Variants in ENOSF1 observed in about 807,000 individuals in gnomAD.
The protein encoded by ENOSF1 is enolase superfamily member 1, also known as mitochondrial enolase superfamily member 1.
A neutral mutation model predicts 68.2 loss-of-function variants in ENOSF1; 73 were observed. The ratio of observed to expected loss-of-function variants is 1.07; its 90% CI spans 0.89 to 1.30. The LOEUF is 1.30. Ranked by LOEUF, ENOSF1 falls within the 50% of genes most tolerant of loss-of-function variation. ENOSF1 has a pLI of 0.00. For missense variants in ENOSF1, 589 were observed against 554.5 expected, an observed-to-expected ratio of 1.06 and a Z score of -0.62; for synonymous variants, 223 against 210.4, an observed-to-expected ratio of 1.06 and a Z score of -0.52.
At chr18:667,340 TGATGGA>T (rs1298897687), downstream of ENOSF1, among the ~76,000 whole-genome samples, 1 of 25,118 alleles carries the variant, frequency 4.0e-5, no homozygotes, top group Non-Finnish European at 6.9e-5. Flanking sequence ...ATGGAGATGG[TGATGGA>T]GATGGTGATG....
chr18:690,046 G>C (rs1221958571), intron 8 of ENOSF1, among the ~76,000 whole-genome samples: 2 of 152,082 alleles, frequency 1.3e-5, no homozygotes, highest in African/African-American at 2.4e-5. Flanking sequence ...TGGCTCACCT[G>C]GAGGGGACAT....
chr18:673,477 TAAA>T lies in ENOSF1; in HGVS notation c.*825_*827del, dbSNP rs1567999433. ...ATAGTTGTTTTATATGTTGCTATAATAAAGAAGTGTTCTGCATTCGTCCACGCT... is the reference window on the plus strand; with the variant it reads ...ATAGTTGTTTTATATGTTGCTATAATGAAGTGTTCTGCATTCGTCCACGCT... On this transcript the variant is annotated 3_prime_UTR_variant, in exon 16 of 16. Transcript: ENST00000647584. 2 of 211,636 alleles carry T rather than the reference TAAA, an allele frequency of 9.5e-6. No individual in the cohort carries two copies. The highest frequency in any genetic ancestry group is 1.9e-5 in the Non-Finnish European group (2 of 104,856). 13.1% of individuals were successfully genotyped at this position (211,636 alleles called of 1,614,324 possible). A position where few individuals can be genotyped will look rare whatever the true frequency, so the allele number is the denominator to read the frequency against.
chr18:703,963 G>A (rs2078649667), intron 2 of ENOSF1, among the ~76,000 whole-genome samples: 1 of 152,070 alleles, frequency 6.6e-6, no homozygotes, highest in Non-Finnish European at 1.5e-5. Context: ...TGATCCTTTC[G>A]ACATAGGACG....
chr18:707,347 A>C (rs1013504111), intron 1 of ENOSF1, among the ~76,000 whole-genome samples: 8 of 152,290 alleles, frequency 5.3e-5, no homozygotes, highest in Admixed American at 2.6e-4. Context: ...TAAGCCAAGG[A>C]GTTTTCACTC....
chr18:680,938 T>G (rs1008503773), intron 11 of ENOSF1, among the ~76,000 whole-genome samples: 1 of 151,628 alleles, frequency 6.6e-6, no homozygotes, highest in African/African-American at 2.4e-5. Flanking sequence ...CTCCTCCTCC[T>G]GGGTTCACGC....
chr18:670,045 ATTTTTTT>A (rs34118802), downstream of ENOSF1, among the ~76,000 whole-genome samples: 13 of 138,534 alleles, frequency 9.4e-5, no homozygotes, highest in South Asian at 6.9e-4. Context: ...ATAGAGACTT[ATTTTTTT>A]TTTTTTTTTG....
At chr18:689,920 G>GATGGCCA (rs2076981772) in intron 8 of ENOSF1, among the ~76,000 whole-genome samples, 2 of 152,148 alleles carry the variant, frequency 1.3e-5, no homozygotes. Context: ...AGGCTGAATT[G>GATGGCCA]ATGGCCAATG....
chr18:667,263 AGATGGT>A (rs144717320), downstream of ENOSF1, among the ~76,000 whole-genome samples: 3 of 11,740 alleles, frequency 2.6e-4, 1 homozygote, highest in Non-Finnish European at 4.1e-4. Context: ...ATGGTGATGG[AGATGGT>A]GATGGTGATG....
At chr18:669,364 G>T (rs1241310907), downstream of ENOSF1, 12 of 383,714 alleles carry the variant, frequency 3.1e-5, no homozygotes, top group African/African-American at 5.3e-5. Context: ...TGGGCCCAGA[G>T]GATTTTTTTT....
At chr18:694,025 C>G (rs2077470824) in intron 4 of ENOSF1, 117 bp from the exon 5 acceptor site, 11 of 1,189,954 alleles carry the variant, frequency 9.2e-6, no homozygotes, top group Non-Finnish European at 1.3e-5. Context: ...CCCCACACCC[C>G]CCTCTACTGC....
chr18:710,387 G>A (rs1295598593), intron 1 of ENOSF1, among the ~76,000 whole-genome samples: 3 of 152,098 alleles, frequency 2.0e-5, no homozygotes, highest in Non-Finnish European at 4.4e-5. Context: ...TGGGATTATA[G>A]GCTTGAACCA....
At chr18:685,169 T>C (rs1685976101) in intron 10 of ENOSF1, among the ~76,000 whole-genome samples, 1 of 152,048 alleles carries the variant, frequency 6.6e-6, no homozygotes, top group South Asian at 2.1e-4. Context: ...CTAACACTTT[T>C]TTTTCTTGTA....
chr18:705,489 C>T (rs116064405), intron 2 of ENOSF1, among the ~76,000 whole-genome samples: 4,233 of 152,180 alleles, frequency 0.028, 200 homozygotes, highest in African/African-American at 0.095. Context: ...AAAAATGAGA[C>T]GGCTCAAGAT....
chr18:681,860 C>T (rs112091472), intron 11 of ENOSF1, among the ~76,000 whole-genome samples: 8 of 152,278 alleles, frequency 5.3e-5, no homozygotes, highest in South Asian at 2.1e-4. Context: ...TTTCTGAAAC[C>T]CAGGCTTTGG....
chr18:691,297 G>GA, intron 5 of ENOSF1, 21 bp from the exon 6 acceptor site: 1 of 1,589,646 alleles, frequency 6.3e-7, no homozygotes, highest in East Asian at 2.2e-5. Flanking sequence ...GACAGGAGGG[G>GA]AAGAGGCCTG....
Position 673,026 on chromosome 18 carries a change from T to G in ENOSF1, c.*1279A>C. ...GCTTTCAAAGGAGCTCGAAGGATAT[T>G]GTCAGTCTTTAGGGGTTGGGCTGGA... On this transcript the variant is annotated 3_prime_UTR_variant, in exon 16 of 16. Transcript: ENST00000647584. 1 of 1,520,368 alleles carries G rather than the reference T, an allele frequency of 6.6e-7. No individual in the cohort carries two copies. Among genetic ancestry groups the G allele is most frequent in the South Asian group, 1.3e-5 (1 of 76,718 alleles). 94.2% of individuals were successfully genotyped at this position (1,520,368 alleles called of 1,614,324 possible). A position where few individuals can be genotyped will look rare whatever the true frequency, so the allele number is the denominator to read the frequency against.
At chr18:696,129 C>T (rs1399081506) in intron 3 of ENOSF1, among the ~76,000 whole-genome samples, 1 of 151,840 alleles carries the variant, frequency 6.6e-6, no homozygotes, top group East Asian at 1.9e-4. Flanking sequence ...ATAAAAGGTA[C>T]CATGGTCTTC....
intron 5 of ENOSF1, chr18:693,325 CTTTT>C: frequency 8.3e-7 from 1 of 1,211,284 alleles, no homozygotes. Context: ...AGTATCTTTT[CTTTT>C]TTCTTTTTTT....
chr18:712,539 G>T lies in ENOSF1; in HGVS notation c.49C>A (p.Pro17Thr), dbSNP rs952440711. The T allele has an allele frequency of 6.5e-7, 1 of 1,539,966 alleles. No individual in the cohort carries two copies. The highest frequency in any genetic ancestry group is 1.4e-5 in the African/African-American group (1 of 72,990). ...GCGCCGTGGCCCCCAAGCGACGTGG[G>T]GAAGCGCACGTCCCGGACCGAGAGC... Reference protein sequence around the residue: ...SRLSVRDVRFPTSLGGHGADA... With the variant: ...SRLSVRDVRFTTSLGGHGADA... Residue 17 changes from proline (P) to threonine (T), a missense_variant, in exon 1 of 16, where the codon CCC becomes ACC. Transcript: ENST00000647584.
Sources: gnomAD v4.1 joint callset for allele counts (sites outside exome capture counted in the v4.1 genomes callset) on GRCh38, gnomAD v4.1.1 for gene constraint, MANE v1.5 for transcripts, NCBI Gene and HGNC (gene_info 2026-07-23, HGNC 2026-07-21) for gene names.